TXNDC16: variants seen among roughly 807,000 people sequenced by gnomAD.
TXNDC16 encodes the protein thioredoxin domain containing 16.
A neutral mutation model predicts 85.6 loss-of-function variants in TXNDC16; 74 were observed. The observed-to-expected ratio is 0.86, with a 90% confidence interval of 0.72 to 1.05. The LOEUF is 1.05. Among genes scored for constraint, TXNDC16 ranks in the 50% least tolerant of loss-of-function variants. The probability of loss-of-function intolerance (pLI) is 0.00; values close to 1 mark genes in which losing one functional copy is unlikely to be tolerated. For missense variants in TXNDC16, 959 were observed against 947.0 expected (o/e 1.01, Z -0.17); for synonymous variants, 335 against 326.5 (o/e 1.03, Z -0.28).
At chr14:52,445,152 T>C (rs1171752646) in intron 18 of TXNDC16, among the ~76,000 whole-genome samples, 1 of 152,160 alleles carries the variant, frequency 6.6e-6, no homozygotes, top group East Asian at 1.9e-4. Context: ...CTGTATTACC[T>C]GAAAAAGCCA....
intron 13 of TXNDC16, 138 bp from the exon 14 acceptor site, chr14:52,482,427 A>G (rs2036170912): frequency 4.2e-6 from 3 of 718,540 alleles, no homozygotes; most frequent in Non-Finnish European, 6.7e-6. Context: ...ACATTTCTCA[A>G]CATAGTCCAA....
At chr14:52,533,747 C>T (rs2037636201) in intron 6 of TXNDC16, among the ~76,000 whole-genome samples, 1 of 152,124 alleles carries the variant, frequency 6.6e-6, no homozygotes, top group Non-Finnish European at 1.5e-5. Context: ...TCATCTCATT[C>T]CAAGGAGTCC....
intron 9 of TXNDC16, among the ~76,000 whole-genome samples, chr14:52,496,109 G>A (rs527948343): frequency 6.6e-5 from 10 of 151,124 alleles, no homozygotes; most frequent in South Asian, 2.1e-4. Context: ...GCAGTGAGCC[G>A]AGATCGCTCC....
chr14:52,471,698 T>G (rs952273842), intron 14 of TXNDC16, among the ~76,000 whole-genome samples: 16 of 152,052 alleles, frequency 1.1e-4, no homozygotes, highest in African/African-American at 3.4e-4. Context: ...TAAATATGCA[T>G]GTGAATAAAT....
intron 9 of TXNDC16, among the ~76,000 whole-genome samples, chr14:52,496,785 G>A (rs1239055046): frequency 1.3e-5 from 2 of 151,598 alleles, no homozygotes; most frequent in Non-Finnish European, 2.9e-5. Flanking sequence ...AATTTTTTAT[G>A]TTTTTGTAGA....
intron 8 of TXNDC16, among the ~76,000 whole-genome samples, chr14:52,512,547 G>A (rs2140183921): frequency 6.6e-6 from 1 of 152,288 alleles, no homozygotes; most frequent in Non-Finnish European, 1.5e-5. Context: ...AAAGGAAAGT[G>A]TTGAGTGCAG....
chr14:52,493,733 A>C (rs2036468140), intron 9 of TXNDC16, among the ~76,000 whole-genome samples: 1 of 152,144 alleles, frequency 6.6e-6, no homozygotes, highest in African/African-American at 2.4e-5. Flanking sequence ...AGAGTGGATA[A>C]AAGCAGATAC....
At chr14:52,455,899 C>T (rs1392574918) in intron 17 of TXNDC16, among the ~76,000 whole-genome samples, 1 of 152,006 alleles carries the variant, frequency 6.6e-6, no homozygotes, top group East Asian at 1.9e-4. Flanking sequence ...TGAAAGTGGC[C>T]ATTATGACCT....
chr14:52,440,430 C>A, intron 19 of TXNDC16, 134 bp downstream of exon 19: 1 of 624,430 alleles, frequency 1.6e-6, no homozygotes, highest in Non-Finnish European at 2.4e-6. Flanking sequence ...AGTTTTGTTA[C>A]TAAAATATCA....
intron 16 of TXNDC16, chr14:52,462,868 T>C (rs1344057699): frequency 2.2e-6 from 1 of 447,036 alleles, no homozygotes. Context: ...AGCCAGAAAG[T>C]GGAGTACTCA....
At chr14:52,536,936 A>T (rs1486676919) in intron 5 of TXNDC16, 143 bp from the exon 6 acceptor site, 1 of 619,360 alleles carries the variant, frequency 1.6e-6, no homozygotes, top group Non-Finnish European at 2.8e-6. Context: ...CCACATACCT[A>T]CCAGCGTCCT....
chr14:52,441,407 G>A (rs1351728642), intron 18 of TXNDC16, among the ~76,000 whole-genome samples: 2 of 152,048 alleles, frequency 1.3e-5, no homozygotes, highest in Non-Finnish European at 2.9e-5. Context: ...TCAGGAGTTC[G>A]AGACCAGCCT....
rs549360676 is a variant in TXNDC16, at chr14:52,436,446, G to T, written c.2194+2758C>A. Among the ~76,000 whole-genome samples, 9 of 152,220 alleles carry T rather than the reference G, an allele frequency of 5.9e-5. No individual in the cohort carries two copies. The South Asian group carries it at 1.9e-3, about 32-fold the overall frequency. ...AGAAAATTGAGAGTGACCGCTAATG[G>T]GTATGGGGTTTCTTTTTGGGGTGAT... is the stretch of plus-strand genomic sequence containing the variant. On this transcript the variant is annotated intron_variant, in intron 20 of 20. Coordinates refer to ENST00000281741, the MANE Select transcript of TXNDC16 (RefSeq NM_020784.3).
In TXNDC16 at chr14:52,432,427, C is replaced by T. The variant is rs772970136; in HGVS notation, c.2355G>A (p.Ser785=). The T allele has an allele frequency of 1.6e-5, 26 of 1,613,754 alleles. No homozygotes were observed. Among genetic ancestry groups the T allele is most frequent in the Admixed American group, 1.2e-4 (7 of 59,972 alleles). ...TTTCAATCGGTTCTTTTCTGACTGCCGATTTATCTTCATGTTGTTCCTTAT... is the reference window on the plus strand; with the variant it reads ...TTTCAATCGGTTCTTTTCTGACTGCTGATTTATCTTCATGTTGTTCCTTAT... The part of the protein sequence containing the change: ...ENDKEQHEDK[S]AVRKEPIETL... The change falls in exon 21 of 21, where the codon TCG becomes TCA. Residue 785 remains serine (S), a synonymous_variant. Coordinates refer to ENST00000281741, the MANE Select transcript of TXNDC16 (RefSeq NM_020784.3).
intron 6 of TXNDC16, among the ~76,000 whole-genome samples, chr14:52,526,012 A>G (rs1566578432): frequency 6.6e-6 from 1 of 152,038 alleles, no homozygotes; most frequent in African/African-American, 2.4e-5. Context: ...GTATTGTTAT[A>G]TTTGATTGCC....
chr14:52,516,706 C>T (rs965073450), intron 7 of TXNDC16, among the ~76,000 whole-genome samples: 3 of 152,000 alleles, frequency 2.0e-5, no homozygotes, highest in Non-Finnish European at 4.4e-5. Flanking sequence ...TCCCTTTTCT[C>T]CTCACTGTCA....
chr14:52,542,364 T>A lies in TXNDC16; in HGVS notation c.243+7A>T, dbSNP rs1179123978. 1 of 1,592,200 alleles carries A rather than the reference T, an allele frequency of 6.3e-7. No individual in the cohort carries two copies. Among genetic ancestry groups the A allele is most frequent in the Non-Finnish European group, 8.6e-7 (1 of 1,166,594 alleles). On this transcript the variant is annotated splice_region_variant and intron_variant, in intron 4 of 20. Transcript: ENST00000281741. Reference sequence around the variant, plus strand: ...CTAATATTTTAGTAACATAAATATCTTTCTACCTTGGCAACTGAAATTCCA... The same window carrying A: ...CTAATATTTTAGTAACATAAATATCATTCTACCTTGGCAACTGAAATTCCA...
intron 18 of TXNDC16, among the ~76,000 whole-genome samples, chr14:52,442,540 T>G (rs1373343773): frequency 6.6e-6 from 1 of 152,234 alleles, no homozygotes; most frequent in Non-Finnish European, 1.5e-5. Context: ...TTTTCAGTTC[T>G]CAGAGCAGCT....
At chr14:52,439,981 A>G (rs1179044037) in intron 19 of TXNDC16, among the ~76,000 whole-genome samples, 2 of 152,202 alleles carry the variant, frequency 1.3e-5, no homozygotes, top group African/African-American at 2.4e-5. Flanking sequence ...TTGCCTGGGA[A>G]AATGTTGCCT....
Sources: gnomAD v4.1 joint callset for allele counts (sites outside exome capture counted in the v4.1 genomes callset) on GRCh38, gnomAD v4.1.1 for gene constraint, MANE v1.5 for transcripts, NCBI Gene and HGNC (gene_info 2026-07-23, HGNC 2026-07-21) for gene names.